CHODL: variants seen among roughly 807,000 people sequenced by gnomAD.
CHODL encodes transmembrane protein MT75.
Under a neutral mutation model 34.5 loss-of-function variants are expected in CHODL, and 29 were observed. The observed-to-expected ratio is 0.84, with a 90% confidence interval of 0.63 to 1.15. The LOEUF (loss-of-function observed/expected upper bound fraction) is 1.15. Ranked by LOEUF, CHODL falls within the 50% of genes most tolerant of loss-of-function variation. The pLI is 0.00. For synonymous variants in CHODL, 125 were observed against 116.1 expected (o/e 1.08, Z -0.49); for missense variants, 332 against 332.5 (o/e 1.00, Z 0.01).
intron 2 of CHODL, among the ~76,000 whole-genome samples, chr21:18,073,514 T>C (rs910499877): frequency 6.6e-6 from 1 of 152,120 alleles, no homozygotes; most frequent in Non-Finnish European, 1.5e-5. Context: ...ACTTAAACTT[T>C]CAGGAAGATT....
rs1003724572 is a variant in CHODL at position 18,214,522 on chromosome 21, T to A, written c.-44-41987T>A. Among the ~76,000 whole-genome samples the A allele has an allele frequency of 2.0e-5, 3 of 152,160 alleles. 1 individual carries two copies. In the South Asian group the frequency reaches 6.2e-4, roughly 31 times the overall value. On this transcript the variant is annotated intron_variant, in intron 2 of 6. Transcript: ENST00000400127. The stretch of plus-strand genomic sequence containing the variant: ...TACACATATTATAAGCCTGGTTCAA[T>A]CACTTATTGTCTTCAGAGAGATTTT...
intron 2 of CHODL, among the ~76,000 whole-genome samples, chr21:18,153,461 T>A (rs1468055647): frequency 6.6e-6 from 1 of 152,202 alleles, no homozygotes; most frequent in Non-Finnish European, 1.5e-5. Context: ...TTCAAATATC[T>A]TTGACCTCCC....
At chr21:18,230,528 A>C (rs1183331234) in intron 2 of CHODL, among the ~76,000 whole-genome samples, 1 of 152,134 alleles carries the variant, frequency 6.6e-6, no homozygotes, top group Non-Finnish European at 1.5e-5. Context: ...GATTACTTGG[A>C]TTTTGTTATT....
At chr21:18,201,956 C>A (rs991744460) in intron 2 of CHODL, among the ~76,000 whole-genome samples, 1 of 151,912 alleles carries the variant, frequency 6.6e-6, no homozygotes, top group African/African-American at 2.4e-5. Flanking sequence ...AGGCGACCGC[C>A]ACCACACTCG....
At chr21:18,240,715 TTTAAA>T (rs1476155913), upstream of CHODL, among the ~76,000 whole-genome samples, 1 of 152,224 alleles carries the variant, frequency 6.6e-6, no homozygotes, top group African/African-American at 2.4e-5. Flanking sequence ...ATTTCATTAC[TTTAAA>T]TTAATAAAGA....
At chr21:18,061,712 G>A (rs2064668474) in intron 2 of CHODL, among the ~76,000 whole-genome samples, 2 of 152,176 alleles carry the variant, frequency 1.3e-5, no homozygotes, top group African/African-American at 4.8e-5. Context: ...TCGTGGTGGT[G>A]GTGGCAATGA....
At chr21:17,963,541 G>T (rs1283660911) in intron 1 of CHODL, among the ~76,000 whole-genome samples, 1 of 152,162 alleles carries the variant, frequency 6.6e-6, no homozygotes, top group Non-Finnish European at 1.5e-5. Context: ...TAAACCATCA[G>T]ATCTCATGAG....
At chr21:18,121,810 G>T (rs2065482937) in intron 2 of CHODL, among the ~76,000 whole-genome samples, 1 of 152,052 alleles carries the variant, frequency 6.6e-6, no homozygotes, top group Admixed American at 6.6e-5. Context: ...TCCTTGCCCT[G>T]GTTTATCAAG....
intron 2 of CHODL, among the ~76,000 whole-genome samples, chr21:18,087,662 C>T (rs2065023845): frequency 6.6e-6 from 1 of 152,130 alleles, no homozygotes; most frequent in Non-Finnish European, 1.5e-5. Flanking sequence ...CTCAAAATGA[C>T]ACCTCGAGGG....
chr21:18,050,239 C>T (rs909426004), intron 2 of CHODL, among the ~76,000 whole-genome samples: 1 of 151,206 alleles, frequency 6.6e-6, no homozygotes, highest in African/African-American at 2.4e-5. Context: ...GAAAGGGAGG[C>T]TGAGGCACAA....
At chr21:17,954,106 A>C (rs1389058286) in intron 1 of CHODL, among the ~76,000 whole-genome samples, 3 of 152,218 alleles carry the variant, frequency 2.0e-5, no homozygotes, top group Non-Finnish European at 4.4e-5. Context: ...ATTAAGCAAA[A>C]AGAAAAAAAT....
chr21:18,251,928 C>T (rs2074261731), intron 1 of CHODL, among the ~76,000 whole-genome samples: 1 of 151,366 alleles, frequency 6.6e-6, no homozygotes, highest in South Asian at 2.1e-4. Context: ...TACCCATGAA[C>T]TTAAAATAAA....
At chr21:18,158,517 A>G (rs939764046) in intron 2 of CHODL, among the ~76,000 whole-genome samples, 1 of 152,210 alleles carries the variant, frequency 6.6e-6, no homozygotes, top group Non-Finnish European at 1.5e-5. Context: ...CTTAAGAAAT[A>G]TTATTGCTGA....
chr21:18,052,414 G>A (rs191116446), intron 2 of CHODL, among the ~76,000 whole-genome samples: 13 of 151,956 alleles, frequency 8.6e-5, no homozygotes, highest in Admixed American at 6.6e-4. Context: ...TGACTTCTAG[G>A]CTAGTACCTT....
intron 2 of CHODL, among the ~76,000 whole-genome samples, chr21:18,186,684 T>C (rs916947942): frequency 5.9e-5 from 9 of 152,334 alleles, no homozygotes; most frequent in African/African-American, 2.2e-4. Flanking sequence ...ATACCAAACA[T>C]TGAAAGCATT....
intron 2 of CHODL, among the ~76,000 whole-genome samples, chr21:18,174,616 AT>A (rs1461863538): frequency 6.6e-6 from 1 of 152,198 alleles, no homozygotes; most frequent in Admixed American, 6.5e-5. Context: ...TGTGCAAAAA[AT>A]ATGTTAAAAT....
intron 2 of CHODL, among the ~76,000 whole-genome samples, chr21:18,063,781 A>T (rs2064697440): frequency 6.6e-6 from 1 of 152,224 alleles, no homozygotes; most frequent in Admixed American, 6.5e-5. Context: ...TGCTTTTAAG[A>T]TAAAACCAAA....
chr21:18,074,454 A>G (rs1287034987), intron 2 of CHODL, among the ~76,000 whole-genome samples: 2 of 152,184 alleles, frequency 1.3e-5, no homozygotes, highest in African/African-American at 4.8e-5. Flanking sequence ...TTTGAAGACA[A>G]AGTAGTAATG....
chr21:18,179,214 G>C (rs770600561), intron 2 of CHODL, among the ~76,000 whole-genome samples: 1 of 152,040 alleles, frequency 6.6e-6, no homozygotes, highest in Non-Finnish European at 1.5e-5. Flanking sequence ...TCTCGGTCAG[G>C]TTTCTCCTTT....
Sources: allele counts gnomAD v4.1 joint callset (sites outside exome capture counted in the v4.1 genomes callset), GRCh38; gene constraint gnomAD v4.1.1; transcripts MANE v1.5; gene names NCBI Gene and HGNC (gene_info 2026-07-23, HGNC 2026-07-21).